SDK1: variants seen among roughly 807,000 people sequenced by gnomAD.
SDK1 encodes protein sidekick-1.
Under a neutral mutation model 245.5 loss-of-function variants are expected in SDK1, and 157 were observed. That is an observed-to-expected ratio of 0.64 (90% CI 0.56 to 0.73). SDK1 has a LOEUF of 0.73. Ranked by LOEUF, SDK1 falls within the 30% of genes least tolerant of loss-of-function variation. The pLI is 0.00. For missense variants in SDK1, 3,583 were observed against 3,002.3 expected, an observed-to-expected ratio of 1.19 and a Z score of -4.52; for synonymous variants, 1,647 against 1,278.5, an observed-to-expected ratio of 1.29 and a Z score of -6.15.
chr7:3,303,229 C>T (rs1225230727), intron 1 of SDK1, among the ~76,000 whole-genome samples: 6 of 152,170 alleles, frequency 3.9e-5, no homozygotes, highest in Non-Finnish European at 5.9e-5. Context: ...TTTATTAAGT[C>T]ATTTTGTACA....
rs183098336 is a variant in SDK1, at chr7:3,543,568, G to A, written c.299-75512G>A. On this transcript the variant is annotated intron_variant, in intron 1 of 44. Transcript: ENST00000404826. ...AAGGATGACACATAGCCACATAAAG[G>A]CAGGTCTGGAAACTCGCAAGATGTC... is the stretch of plus-strand genomic sequence containing the variant. Among the ~76,000 whole-genome samples, 5 of 152,218 alleles carry A rather than the reference G, an allele frequency of 3.3e-5. No homozygotes were observed. In the East Asian group the frequency reaches 7.7e-4, roughly 23 times the overall value.
intron 5 of SDK1, among the ~76,000 whole-genome samples, chr7:3,893,978 G>A (rs1781528440): frequency 1.3e-5 from 2 of 152,134 alleles, no homozygotes; most frequent in Middle Eastern, 3.4e-3. Flanking sequence ...TTTCCCAATG[G>A]CCAGGCACTG....
At chr7:3,762,575 G>A (rs1780139432) in intron 4 of SDK1, among the ~76,000 whole-genome samples, 1 of 152,192 alleles carries the variant, frequency 6.6e-6, no homozygotes, top group Non-Finnish European at 1.5e-5. Context: ...GGTACTTTTA[G>A]CGATAGCCAT....
rs1275478811 is a variant in SDK1 at position 3,974,441 on chromosome 7, G to T, written c.1890G>T (p.Gly630=). The T allele has an allele frequency of 3.7e-6, 6 of 1,613,960 alleles. No homozygotes were observed. In the African/African-American group the frequency reaches 6.7e-5, roughly 18 times the overall value. ...CTAGGATCGTGGTGGAGAAGGACGG[G>T]TCCCTTCTCATCAGCCAGACGTGGT... ...STSRIVVEKD[G]SLLISQTWSG... The change falls in exon 13 of 45, where the codon GGG becomes GGT. Residue 630 remains glycine (G), a synonymous_variant. Coordinates refer to ENST00000404826, the MANE Select transcript of SDK1 (RefSeq NM_152744.4).
intron 5 of SDK1, among the ~76,000 whole-genome samples, chr7:3,904,709 A>G (rs550995056): frequency 1.3e-5 from 2 of 151,538 alleles, no homozygotes; most frequent in East Asian, 1.9e-4. Flanking sequence ...AAAATTAATA[A>G]TAGGCCGGGC....
intron 1 of SDK1, among the ~76,000 whole-genome samples, chr7:3,556,329 C>G (rs1444704412): frequency 6.6e-6 from 1 of 152,060 alleles, no homozygotes; most frequent in African/African-American, 2.4e-5. Flanking sequence ...TGTTCTCAGT[C>G]ATTTATGGGA....
At chr7:4,232,392 C>CTTTTTTTTTTTTTTTTTTTTT (rs1178308855) in intron 40 of SDK1, among the ~76,000 whole-genome samples, 2 of 81,786 alleles carry the variant, frequency 2.4e-5, no homozygotes, top group African/African-American at 4.8e-5. Context: ...TTCTTTTTTT[C>CTTTTTTTTTTTTTTTTTTTTT]TTTTCTTTTC....
chr7:3,762,488 A>G (rs1780137457), intron 4 of SDK1, among the ~76,000 whole-genome samples: 2 of 152,238 alleles, frequency 1.3e-5, no homozygotes, highest in Non-Finnish European at 2.9e-5. Context: ...TTTTTGTGGT[A>G]TTTTTAACTT....
intron 4 of SDK1, among the ~76,000 whole-genome samples, chr7:3,644,920 T>A (rs906097882): frequency 6.6e-6 from 1 of 150,560 alleles, no homozygotes; most frequent in South Asian, 2.1e-4. Flanking sequence ...TGGGGGAGAA[T>A]TGGTACCAGG....
At chr7:3,877,912 TAC>T (rs987608106) in intron 5 of SDK1, among the ~76,000 whole-genome samples, 3 of 152,358 alleles carry the variant, frequency 2.0e-5, no homozygotes, top group Admixed American at 2.0e-4. Context: ...TGAACTGCCT[TAC>T]ACATAAGTCT....
At chr7:4,209,988 G>T (rs1232723131) in intron 37 of SDK1, 37 bp from the exon 38 acceptor site, 7 of 1,515,684 alleles carry the variant, frequency 4.6e-6, no homozygotes, top group Non-Finnish European at 6.2e-6. Flanking sequence ...CTATGTAGGA[G>T]CCCCTGTAAA....
rs752772847 is a variant in SDK1 at position 4,059,087 on chromosome 7, A to G, written c.2911+7257A>G. The stretch of plus-strand genomic sequence containing the variant: ...TACTAGAATAAGCCCTGACATATCA[A>G]TAGTAACCTTGAATTTAAATAGATT... On this transcript the variant is annotated intron_variant, in intron 19 of 44. Coordinates refer to ENST00000404826, the MANE Select transcript of SDK1 (RefSeq NM_152744.4). Among the ~76,000 whole-genome samples, 96 of 152,234 alleles carry G rather than the reference A, an allele frequency of 6.3e-4. 1 individual carries two copies. The highest frequency in any genetic ancestry group is 1.9e-4 in the Non-Finnish European group (13 of 68,038).
chr7:3,711,787 G>C (rs1407983567), intron 4 of SDK1, among the ~76,000 whole-genome samples: 1 of 152,146 alleles, frequency 6.6e-6, no homozygotes, highest in Non-Finnish European at 1.5e-5. Context: ...CCCATTCTGA[G>C]TACAGTGGGG....
chr7:4,134,442 G>T (rs1451872294), intron 28 of SDK1, among the ~76,000 whole-genome samples: 2 of 152,174 alleles, frequency 1.3e-5, no homozygotes, highest in Non-Finnish European at 2.9e-5. Context: ...GACAGCTGTG[G>T]CGAGGAGATT....
intron 18 of SDK1, among the ~76,000 whole-genome samples, chr7:4,050,731 C>G (rs1789387034): frequency 6.6e-6 from 1 of 151,786 alleles, no homozygotes. Context: ...GCTGTTGAAT[C>G]ATGGATGTCT....
intron 4 of SDK1, among the ~76,000 whole-genome samples, chr7:3,738,374 C>G (rs1483662513): frequency 6.6e-6 from 1 of 152,174 alleles, no homozygotes; most frequent in Non-Finnish European, 1.5e-5. Context: ...GGGTTTATTT[C>G]TGGGCTTTCT....
chr7:3,404,899 G>A (rs79132909), intron 1 of SDK1, among the ~76,000 whole-genome samples: 2 of 152,226 alleles, frequency 1.3e-5, no homozygotes, highest in Admixed American at 6.5e-5. Flanking sequence ...GTAAGATTGA[G>A]GTCTTAATGT....
At chr7:3,646,390 A>G (rs1782835621) in intron 4 of SDK1, among the ~76,000 whole-genome samples, 1 of 152,148 alleles carries the variant, frequency 6.6e-6, no homozygotes, top group South Asian at 2.1e-4. Context: ...TGAATATCCT[A>G]TTAATAATCT....
chr7:3,928,296 A>G (rs1028738825), intron 5 of SDK1, among the ~76,000 whole-genome samples: 1 of 152,122 alleles, frequency 6.6e-6, no homozygotes, highest in Non-Finnish European at 1.5e-5. Flanking sequence ...TTATTTATTT[A>G]TTTATTTTGC....
Sources: allele counts gnomAD v4.1 joint callset (sites outside exome capture counted in the v4.1 genomes callset), GRCh38; gene constraint gnomAD v4.1.1; transcripts MANE v1.5; gene names NCBI Gene and HGNC (gene_info 2026-07-23, HGNC 2026-07-21).